ITSN1: variants seen among roughly 807,000 people sequenced by gnomAD.
The protein encoded by ITSN1 is intersectin 1, also known as intersectin-1.
In ITSN1, 58 loss-of-function variants were observed where a neutral mutation model predicts 239.8. The ratio of observed to expected loss-of-function variants is 0.24; its 90% CI spans 0.20 to 0.30. The LOEUF is 0.30. Among genes scored for constraint, ITSN1 ranks in the 10% least tolerant of loss-of-function variants. The pLI, the probability that ITSN1 is intolerant of heterozygous loss-of-function variation, is 1.00. For missense variants in ITSN1, 1,558 were observed against 2,103.3 expected, an observed-to-expected ratio of 0.74 and a Z score of 5.07; for synonymous variants, 780 against 770.8, an observed-to-expected ratio of 1.01 and a Z score of -0.20.
intron 20 of ITSN1, among the ~76,000 whole-genome samples, chr21:33,806,386 T>C (rs2072453039): frequency 6.6e-6 from 1 of 152,264 alleles, no homozygotes; most frequent in South Asian, 2.1e-4. Flanking sequence ...TTGTTTATCA[T>C]GTTCTATGAG....
chr21:33,778,527 C>T lies in ITSN1; in HGVS notation c.1597-2934C>T, dbSNP rs1019044352. On this transcript the variant is annotated intron_variant, in intron 14 of 39. Coordinates refer to ENST00000381318, the MANE Select transcript of ITSN1 (RefSeq NM_003024.3). ...CTGTCAATGAACTTGTTTATATTAT[C>T]TAAATTATTAAATTTACTTGTATAA... is the stretch of plus-strand genomic sequence containing the variant. Among the ~76,000 whole-genome samples, 3 of 140,012 alleles carry T rather than the reference C, an allele frequency of 2.1e-5. No individual in the cohort carries two copies. In the Admixed American group the frequency reaches 2.2e-4, roughly 10 times the overall value. 91.9% of individuals were successfully genotyped at this position (140,012 alleles called of 152,430 possible).
At chr21:33,733,590 A>G (rs186216942) in intron 4 of ITSN1, among the ~76,000 whole-genome samples, 1 of 146,680 alleles carries the variant, frequency 6.8e-6, no homozygotes, top group Non-Finnish European at 1.5e-5. Flanking sequence ...TTAATTTGTG[A>G]TACACTATGA....
In ITSN1 at chr21:33,810,256, G is replaced by T. The variant is rs1004427763; in HGVS notation, c.2320-719G>T. Among the ~76,000 whole-genome samples the T allele has an allele frequency of 3.3e-5, 5 of 152,226 alleles. No individual in the cohort carries two copies. The South Asian group carries it at 1.0e-3, about 32-fold the overall frequency. ...AATGCAAACCTTAAAAGCATTTGGC[G>T]TAATAAATGGCCTCTGTGAAATTTT... On this transcript the variant is annotated intron_variant, in intron 20 of 39. Coordinates refer to ENST00000381318, the MANE Select transcript of ITSN1 (RefSeq NM_003024.3).
rs1176122247 is a variant in ITSN1 at position 33,899,779 on chromosome 21, C to A, written c.*11479C>A. On this transcript the variant is annotated 3_prime_UTR_variant, in exon 40 of 40. Transcript: ENST00000381318. ...AGAACAATCTCTTCAAAAACAAAAA[C>A]AAAAACAAAAAACAACTCTTTGGTC... 6.7e-6 allele frequency: 1 copy of A among 150,218 alleles called. No homozygotes were observed. The highest frequency in any genetic ancestry group is 1.5e-5 in the Non-Finnish European group (1 of 67,640). 9.3% of individuals were successfully genotyped at this position (150,218 alleles called of 1,614,324 possible).
chr21:33,809,303 CT>C (rs547802900), intron 20 of ITSN1, among the ~76,000 whole-genome samples: 31 of 152,242 alleles, frequency 2.0e-4, no homozygotes, highest in African/African-American at 7.0e-4. Context: ...GAATTCTCAG[CT>C]TTAAAAATTG....
intron 25 of ITSN1, among the ~76,000 whole-genome samples, chr21:33,823,994 A>AT (rs2073837860): frequency 6.6e-6 from 1 of 152,154 alleles, no homozygotes; most frequent in African/African-American, 2.4e-5. Context: ...ATGGTCATTG[A>AT]TTTTTAAATG....
chr21:33,768,977 ATG>A (rs1293903897), intron 11 of ITSN1, among the ~76,000 whole-genome samples: 1 of 152,248 alleles, frequency 6.6e-6, no homozygotes, highest in Non-Finnish European at 1.5e-5. Context: ...CTTCAGCAGT[ATG>A]TGAGTGGGAT....
chr21:33,790,978 A>G (rs899263901), intron 16 of ITSN1, among the ~76,000 whole-genome samples: 19 of 152,206 alleles, frequency 1.2e-4, no homozygotes, highest in African/African-American at 4.3e-4. Flanking sequence ...CTGCTCCCCT[A>G]TGTGAAAGGA....
intron 1 of ITSN1, among the ~76,000 whole-genome samples, chr21:33,667,009 T>C (rs1362143192): frequency 6.6e-6 from 1 of 151,870 alleles, no homozygotes; most frequent in Non-Finnish European, 1.5e-5. Flanking sequence ...AGAGATGGGG[T>C]TTTGCCACAT....
At chr21:33,677,581 C>G (rs893222016) in intron 1 of ITSN1, among the ~76,000 whole-genome samples, 4 of 152,102 alleles carry the variant, frequency 2.6e-5, no homozygotes, top group African/African-American at 9.7e-5. Context: ...ATCAAGTGAT[C>G]CACCCGCCTA....
At chr21:33,804,711 C>G (rs1318289023) in intron 20 of ITSN1, among the ~76,000 whole-genome samples, 4 of 152,200 alleles carry the variant, frequency 2.6e-5, no homozygotes, top group African/African-American at 9.7e-5. Flanking sequence ...CCTATGCTCA[C>G]TGCTGTTTTG....
chr21:33,881,488 T>C (rs1046870170), intron 34 of ITSN1, among the ~76,000 whole-genome samples: 1 of 152,008 alleles, frequency 6.6e-6, no homozygotes, highest in African/African-American at 2.4e-5. Flanking sequence ...CAGTTGTGCC[T>C]TGGAAGGCAG....
intron 1 of ITSN1, among the ~76,000 whole-genome samples, chr21:33,672,764 T>G (rs2090370825): frequency 6.6e-6 from 1 of 150,816 alleles, no homozygotes; most frequent in African/African-American, 2.4e-5. Context: ...CAGGCTGGAG[T>G]GCGGTGGCGC....
intron 1 of ITSN1, among the ~76,000 whole-genome samples, chr21:33,717,128 G>C (rs1343729262): frequency 6.6e-6 from 1 of 151,878 alleles, no homozygotes; most frequent in Non-Finnish European, 1.5e-5. Context: ...TAGGGCAAGA[G>C]ACTCATTTTT....
At chr21:33,789,783 G>A (rs2070962211) in intron 16 of ITSN1, among the ~76,000 whole-genome samples, 1 of 152,194 alleles carries the variant, frequency 6.6e-6, no homozygotes, top group Non-Finnish European at 1.5e-5. Context: ...TTTTAGCTTA[G>A]CAATAGAACA....
rs1012260108 is a variant in ITSN1 at position 33,895,994 on chromosome 21, C to G, written c.*7694C>G. ...CTGCCAGGCAGCACACCCAGGAGGC[C>G]GGCCCTGACCACACTGTTCTCTGCT... On this transcript the variant is annotated 3_prime_UTR_variant, in exon 40 of 40. Transcript: ENST00000381318. The G allele has an allele frequency of 6.6e-6, 1 of 152,334 alleles. No individual in the cohort carries two copies. The highest frequency in any genetic ancestry group is 1.5e-5 in the Non-Finnish European group (1 of 68,154). 9.4% of individuals were successfully genotyped at this position (152,334 alleles called of 1,614,324 possible). A position where few individuals can be genotyped will look rare whatever the true frequency, so the allele number is the denominator to read the frequency against.
intron 24 of ITSN1, among the ~76,000 whole-genome samples, chr21:33,823,025 T>A (rs1440537858): frequency 6.6e-6 from 1 of 152,250 alleles, no homozygotes; most frequent in Admixed American, 6.5e-5. Context: ...TAAAAACCTG[T>A]GACGTAGTAC....
At position 33,761,849 on chromosome 21, in the gene ITSN1, G is replaced by A. The variant is rs1219536756; in HGVS notation, c.725-74G>A. The A allele has an allele frequency of 2.0e-5, 22 of 1,076,494 alleles. No individual in the cohort carries two copies. The Admixed American group carries it at 2.4e-4, about 12-fold the overall frequency. The allele number at this position is 1,076,494 out of a possible 1,614,324, so 66.7% of individuals were successfully genotyped here. A position where few individuals can be genotyped will look rare whatever the true frequency, so the allele number is the denominator to read the frequency against. On this transcript the variant is annotated intron_variant, in intron 8 of 39. Transcript: ENST00000381318. ...TGAGGTCATGGAGTAGTCCACATAC[G>A]CAGAACCCTGGTCCTCCTGTACAGT...
chr21:33,829,720 G>A lies in ITSN1; in HGVS notation c.3326G>A (p.Gly1109Asp), dbSNP rs1163272581. The A allele has an allele frequency of 1.2e-6, 2 of 1,613,710 alleles. No individual in the cohort carries two copies. Among genetic ancestry groups the A allele is most frequent in the Admixed American group, 1.7e-5 (1 of 60,028 alleles). The change falls in exon 27 of 40, where the codon GGT becomes GAT. Residue 1109 changes from glycine to aspartate, a missense_variant. Gly to Asp is a moderately conservative substitution (Grantham distance 94). Coordinates refer to ENST00000381318, the MANE Select transcript of ITSN1 (RefSeq NM_003024.3). ...QLILIRKKNP[G>D]GWWEGELQAR... ...ATTTTGATCCGAAAAAAGAACCCAG[G>A]TGGATGGTGGGAAGGAGAGCTGCAA...
Sources: allele counts gnomAD v4.1 joint callset (sites outside exome capture counted in the v4.1 genomes callset), GRCh38; gene constraint gnomAD v4.1.1; transcripts MANE v1.5; gene names NCBI Gene and HGNC (gene_info 2026-07-23, HGNC 2026-07-21).